The following SLC28A1 variants were observed in gnomAD, a reference collection of about 807,000 sequenced individuals.
SLC28A1 encodes the protein solute carrier family 28 member 1.
A neutral mutation model predicts 74.8 loss-of-function variants in SLC28A1; 64 were observed. That is an observed-to-expected ratio of 0.86 (90% CI 0.70 to 1.05). The LOEUF (loss-of-function observed/expected upper bound fraction) is 1.05, where lower values mean the gene tolerates loss of function less well. Among genes scored for constraint, SLC28A1 ranks in the 50% least tolerant of loss-of-function variants. SLC28A1 has a pLI of 0.00. For missense variants in SLC28A1, 828 were observed against 822.8 expected, an observed-to-expected ratio of 1.01 and a Z score of -0.08; for synonymous variants, 359 against 335.0, an observed-to-expected ratio of 1.07 and a Z score of -0.78.
downstream of SLC28A1, among the ~76,000 whole-genome samples, chr15:84,949,378 T>A (rs1032790017): frequency 4.6e-5 from 7 of 151,758 alleles, no homozygotes; most frequent in African/African-American, 1.7e-4. Context: ...TTAGGAAGGG[T>A]GTTTTGCTTT....
At chr15:84,903,095 G>A (rs961788942) in intron 6 of SLC28A1, among the ~76,000 whole-genome samples, 9 of 152,204 alleles carry the variant, frequency 5.9e-5, no homozygotes, top group African/African-American at 2.2e-4. Context: ...GGTACAGTTG[G>A]CACAAAAACA....
At chr15:84,894,372 C>CAA (rs11408601) in intron 5 of SLC28A1, among the ~76,000 whole-genome samples, 40,876 of 134,066 alleles carry the variant, frequency 0.3, 6,514 homozygotes, top group African/African-American at 0.42. Context: ...ACCCTATCTC[C>CAA]AAAAAAAAAA....
rs776526272 is a variant in SLC28A1, at chr15:84,933,142, C to T, written c.1084-3C>T. ...CCTAGAACCTGCACTCTCACTCTTGCAGATCGATGCCACCTCGTTGATTGC... is the reference window on the plus strand; with the variant it reads ...CCTAGAACCTGCACTCTCACTCTTGTAGATCGATGCCACCTCGTTGATTGC... On this transcript the variant is annotated splice_polypyrimidine_tract_variant and splice_region_variant and intron_variant, in intron 12 of 18. Transcript: ENST00000394573. 1 of 1,612,936 alleles carries T rather than the reference C, an allele frequency of 6.2e-7. No individual in the cohort carries two copies. Among genetic ancestry groups the T allele is most frequent in the Non-Finnish European group, 8.5e-7 (1 of 1,179,364 alleles).
At chr15:84,902,409 G>A (rs1340336375) in intron 6 of SLC28A1, among the ~76,000 whole-genome samples, 1 of 152,048 alleles carries the variant, frequency 6.6e-6, no homozygotes, top group Non-Finnish European at 1.5e-5. Context: ...AAACCCCGGA[G>A]GTGGAGGTTG....
intron 9 of SLC28A1, among the ~76,000 whole-genome samples, chr15:84,909,110 T>A (rs1460033889): frequency 6.6e-6 from 1 of 151,966 alleles, no homozygotes; most frequent in East Asian, 1.9e-4. Flanking sequence ...GGGGTAGGGG[T>A]CATGGGGACA....
rs569055262 is a variant in SLC28A1, at chr15:84,944,932, G to C, written c.1874+65G>C. 19 of 1,257,046 alleles carry C rather than the reference G, an allele frequency of 1.5e-5. No individual in the cohort carries two copies. In the African/African-American group the frequency reaches 1.9e-4, roughly 13 times the overall value. 77.9% of individuals were successfully genotyped at this position (1,257,046 alleles called of 1,614,324 possible). A position where few individuals can be genotyped will look rare whatever the true frequency, so the allele number is the denominator to read the frequency against. On this transcript the variant is annotated intron_variant, in intron 18 of 18. Coordinates refer to ENST00000394573, the MANE Select transcript of SLC28A1 (RefSeq NM_004213.5). ...TGATAGACAGAATGCCTGAGCGCTG[G>C]GGGGGATGCCTTTGGTACCAGGGTG...
chr15:84,946,099 TATATATATATA>T (rs1443065831), downstream of SLC28A1, among the ~76,000 whole-genome samples: 1 of 21,558 alleles, frequency 4.6e-5, no homozygotes, highest in Non-Finnish European at 1.2e-4. Context: ...TATATATATA[TATATATATATA>T]TATTTTTTTT....
chr15:84,960,174 C>CCCG, the SLC28A1 span, among the ~76,000 whole-genome samples: 1 of 148,490 alleles, frequency 6.7e-6, no homozygotes, highest in Non-Finnish European at 1.5e-5. Flanking sequence ...TATAAACTCT[C>CCCG]CCGTAATCTT....
chr15:84,907,831 G>T (rs567249599), intron 8 of SLC28A1, among the ~76,000 whole-genome samples: 1 of 151,768 alleles, frequency 6.6e-6, no homozygotes, highest in South Asian at 2.1e-4. Flanking sequence ...ACACCTGCTG[G>T]CCTCACTGAC....
chr15:84,906,062 C>G (rs1967061735), intron 8 of SLC28A1, among the ~76,000 whole-genome samples: 1 of 150,888 alleles, frequency 6.6e-6, no homozygotes, highest in Non-Finnish European at 1.5e-5. Flanking sequence ...CTTTGTCACC[C>G]AGGCTGGAGT....
the SLC28A1 span, among the ~76,000 whole-genome samples, chr15:84,955,787 A>G: frequency 6.6e-6 from 1 of 152,130 alleles, no homozygotes; most frequent in African/African-American, 2.4e-5. Context: ...CTGCACTCCT[A>G]TCAGGGTTGT....
chr15:84,923,040 C>T (rs1019410780), intron 11 of SLC28A1, among the ~76,000 whole-genome samples: 2 of 152,204 alleles, frequency 1.3e-5, no homozygotes, highest in Non-Finnish European at 2.9e-5. Flanking sequence ...CGGGTTCAAG[C>T]GATTCTCGTG....
chr15:84,955,549 A>G, the SLC28A1 span, among the ~76,000 whole-genome samples: 3 of 152,144 alleles, frequency 2.0e-5, no homozygotes, highest in Non-Finnish European at 4.4e-5. Flanking sequence ...CTGCCTCCAC[A>G]GCAGTTCCTC....
chr15:84,937,182 T>C (rs1272812637), intron 15 of SLC28A1, among the ~76,000 whole-genome samples: 1 of 152,180 alleles, frequency 6.6e-6, no homozygotes, highest in Non-Finnish European at 1.5e-5. Context: ...CATCATTTTG[T>C]ATATGTGTCC....
intron 4 of SLC28A1, among the ~76,000 whole-genome samples, chr15:84,889,648 C>CTTTT (rs1567113406): frequency 4.6e-5 from 7 of 151,328 alleles, no homozygotes; most frequent in African/African-American, 1.7e-4. Context: ...CTTTTCTTTT[C>CTTTT]CTTTTTCTTT....
intron 10 of SLC28A1, among the ~76,000 whole-genome samples, chr15:84,920,540 C>T (rs79724753): frequency 1.8e-3 from 274 of 152,240 alleles, no homozygotes; most frequent in African/African-American, 6.4e-3. Flanking sequence ...AACTCTAGTT[C>T]CACAGCATGT....
At chr15:84,893,450 G>T (rs1334086778) in intron 5 of SLC28A1, among the ~76,000 whole-genome samples, 1 of 152,200 alleles carries the variant, frequency 6.6e-6, no homozygotes, top group Non-Finnish European at 1.5e-5. Context: ...TGAGAGAAAG[G>T]TCATTTTATT....
chr15:84,901,090 C>T (rs1402044723), intron 6 of SLC28A1, among the ~76,000 whole-genome samples: 2 of 152,074 alleles, frequency 1.3e-5, no homozygotes, highest in African/African-American at 2.4e-5. Context: ...GGCGTAGTGG[C>T]GCACACCTGT....
rs1168664356 is a variant in SLC28A1 at position 84,888,868 on chromosome 15, A to G, written c.185+8A>G. 2 of 1,543,768 alleles carry G rather than the reference A, an allele frequency of 1.3e-6. No individual in the cohort carries two copies. The highest frequency in any genetic ancestry group is 1.8e-6 in the Non-Finnish European group (2 of 1,139,746). On this transcript the variant is annotated splice_region_variant and intron_variant, in intron 4 of 18. Coordinates refer to ENST00000394573, the MANE Select transcript of SLC28A1 (RefSeq NM_004213.5). ...GAAGCCCTTCTCCAGATGGTAGGTG[A>G]TCTCTGGAGAGACAAGGGCGGGCCT...
Sources: gnomAD v4.1 joint callset for allele counts (sites outside exome capture counted in the v4.1 genomes callset) on GRCh38, gnomAD v4.1.1 for gene constraint, MANE v1.5 for transcripts, NCBI Gene and HGNC (gene_info 2026-07-23, HGNC 2026-07-21) for gene names.